The following HABP4 variants were observed in gnomAD, a reference collection of about 807,000 sequenced individuals.
HABP4 encodes the protein intracellular hyaluronan-binding protein 4.
A neutral mutation model predicts 44.1 loss-of-function variants in HABP4; 32 were observed. The observed-to-expected ratio is 0.73, with a 90% confidence interval of 0.55 to 0.97. HABP4 has a LOEUF of 0.97. Ranked by LOEUF, HABP4 falls within the 50% of genes least tolerant of loss-of-function variation. HABP4 has a pLI of 0.00. For synonymous variants in HABP4, 216 were observed against 218.0 expected (o/e 0.99, Z 0.08); for missense variants, 503 against 561.9 (o/e 0.90, Z 1.06).
intron 2 of HABP4, among the ~76,000 whole-genome samples, chr9:96,464,485 G>A (rs921223973): frequency 1.3e-5 from 2 of 152,206 alleles, no homozygotes; most frequent in Non-Finnish European, 2.9e-5. Flanking sequence ...GGTTAGGCAC[G>A]AGAGGCAGAC....
At chr9:96,461,363 C>G (rs1832495737) in intron 2 of HABP4, among the ~76,000 whole-genome samples, 1 of 151,858 alleles carries the variant, frequency 6.6e-6, no homozygotes, top group South Asian at 2.1e-4. Context: ...TTTAAATGAC[C>G]AGTAAACTAC....
At chr9:96,454,403 G>C (rs1429049285) in intron 1 of HABP4, among the ~76,000 whole-genome samples, 1 of 151,004 alleles carries the variant, frequency 6.6e-6, no homozygotes, top group African/African-American at 2.4e-5. Flanking sequence ...TTTCTTAGTG[G>C]CTTTTTCTGC....
intron 1 of HABP4, among the ~76,000 whole-genome samples, chr9:96,456,077 T>C (rs1020125475): frequency 2.6e-5 from 4 of 152,004 alleles, no homozygotes; most frequent in African/African-American, 7.2e-5. Context: ...AATAAATAAA[T>C]GAAACATTAT....
At chr9:96,463,552 G>C (rs1832545033) in intron 2 of HABP4, among the ~76,000 whole-genome samples, 1 of 152,154 alleles carries the variant, frequency 6.6e-6, no homozygotes, top group Admixed American at 6.5e-5. Context: ...ACCGAGCCCA[G>C]CCTGCTTTAG....
rs16910905 is a variant in HABP4 at position 96,490,455 on chromosome 9, G to A, written c.*417G>A. 6.2e-6 allele frequency: 1 copy of A among 160,180 alleles called. No individual in the cohort carries two copies. The highest frequency in any genetic ancestry group is 1.4e-5 in the Non-Finnish European group (1 of 73,656). The allele number at this position is 160,180 out of a possible 1,614,324, so 9.9% of individuals were successfully genotyped here. On this transcript the variant is annotated 3_prime_UTR_variant, in exon 8 of 8. Transcript: ENST00000375249. ...GAGCTGGAACTGTTAATGGAAAGCA[G>A]TCACAGCTGAGTTTTCGGAGACCAA...
chr9:96,473,151 G>A (rs1386892849), intron 5 of HABP4, among the ~76,000 whole-genome samples: 7 of 152,060 alleles, frequency 4.6e-5, no homozygotes, highest in Admixed American at 4.6e-4. Context: ...ACTAACTCTG[G>A]AATATGTATC....
intron 2 of HABP4, among the ~76,000 whole-genome samples, chr9:96,463,138 G>A (rs1195535530): frequency 6.6e-6 from 1 of 152,058 alleles, no homozygotes; most frequent in Non-Finnish European, 1.5e-5. Context: ...TAGAGATGGG[G>A]TTTTGCCATG....
chr9:96,478,842 G>A lies in HABP4; in HGVS notation c.828-5620G>A, dbSNP rs532007854. The stretch of plus-strand genomic sequence containing the variant: ...GATGGGGTCTCGTTTTGGTACCCAG[G>A]CTGGTCTCCAACTCTTGGCCTCAAG... On this transcript the variant is annotated intron_variant, in intron 5 of 7. Transcript: ENST00000375249. 2.0e-5 allele frequency among the ~76,000 whole-genome samples: 3 copies of A among 152,026 alleles called. No individual in the cohort carries two copies. In the East Asian group the frequency reaches 5.8e-4, roughly 29 times the overall value.
intron 5 of HABP4, among the ~76,000 whole-genome samples, chr9:96,479,142 G>A (rs1183775961): frequency 6.6e-6 from 1 of 152,094 alleles, no homozygotes; most frequent in East Asian, 1.9e-4. Flanking sequence ...TTTCCAATTC[G>A]AAGTTAAGAT....
chr9:96,488,328 G>C lies in HABP4; in HGVS notation c.1185+54G>C. ...AAGAAGTTAATAAGGACAGTGCCCT[G>C]GGCCCAGGATGGTCTAATTTCAGAG... On this transcript the variant is annotated intron_variant, in intron 7 of 7. Transcript: ENST00000375249. The surrounding 1 kb of genome is among the most constrained non-coding windows in gnomAD (Gnocchi z 4.6). 7.9e-7 allele frequency: 1 copy of C among 1,272,450 alleles called. No homozygotes were observed. Among genetic ancestry groups the C allele is most frequent in the South Asian group, 1.3e-5 (1 of 76,102 alleles). The allele number at this position is 1,272,450 out of a possible 1,614,324, so 78.8% of individuals were successfully genotyped here.
At chr9:96,457,278 T>C (rs1390727232) in intron 1 of HABP4, among the ~76,000 whole-genome samples, 1 of 151,534 alleles carries the variant, frequency 6.6e-6, no homozygotes, top group Non-Finnish European at 1.5e-5. Flanking sequence ...GAGGCGGAGG[T>C]TGCAGTGAGC....
chr9:96,467,109 G>A (rs1181546735), intron 4 of HABP4, among the ~76,000 whole-genome samples: 4 of 152,090 alleles, frequency 2.6e-5, no homozygotes, highest in African/African-American at 9.6e-5. Context: ...TTTTAGTAAA[G>A]ACGGGGTTTC....
chr9:96,450,777 G>T lies in HABP4; in HGVS notation c.349+149G>T. On this transcript the variant is annotated intron_variant, in intron 1 of 7. Coordinates refer to ENST00000375249, the MANE Select transcript of HABP4 (RefSeq NM_014282.4). This position sits in a 1 kb window ranked among gnomAD's most constrained non-coding sequence, Gnocchi z 4.8. ...CCGAAGGTAGGAGGAGAGGGGCAGGGGTCACACCCCTTCCAGCTCTCGCCA... is the reference window on the plus strand; with the variant it reads ...CCGAAGGTAGGAGGAGAGGGGCAGGTGTCACACCCCTTCCAGCTCTCGCCA... 1 of 615,260 alleles carries T rather than the reference G, an allele frequency of 1.6e-6. No individual in the cohort carries two copies. The highest frequency in any genetic ancestry group is 2.3e-6 in the Non-Finnish European group (1 of 431,230). The allele number at this position is 615,260 out of a possible 1,614,324, so 38.1% of individuals were successfully genotyped here.
chr9:96,464,127 T>C (rs1365264983), intron 2 of HABP4, among the ~76,000 whole-genome samples: 1 of 150,406 alleles, frequency 6.6e-6, no homozygotes, highest in African/African-American at 2.4e-5. Context: ...GAGGGAGGAG[T>C]GGCTTGGGCT....
rs751596794 is a variant in HABP4 at position 96,465,388 on chromosome 9, G to A, written c.564G>A (p.Pro188=). The change falls in exon 3 of 8, where the codon CCG becomes CCA. Residue 188 remains proline (P), a synonymous_variant. Transcript: ENST00000375249. ...RDRPLRGRGG[P]RGGMRGRGRG... is the part of the protein sequence containing the mutation. ...GACCGTTGAGAGGACGTGGAGGCCC[G>A]AGAGGGGGTATGCGCGGCAGAGGCA... 11 of 1,609,860 alleles carry A rather than the reference G, an allele frequency of 6.8e-6. No individual in the cohort carries two copies. Among genetic ancestry groups the A allele is most frequent in the South Asian group, 2.2e-5 (2 of 91,012 alleles).
chr9:96,484,335 C>T, intron 5 of HABP4, 127 bp from the exon 6 acceptor site: 1 of 567,106 alleles, frequency 1.8e-6, no homozygotes, highest in Non-Finnish European at 3.1e-6. Context: ...GATTTCCTTA[C>T]CTTATTTGCA....
chr9:96,471,021 C>A lies in HABP4; in HGVS notation c.754C>A (p.Pro252Thr). Residue 252 changes from proline to threonine, a missense_variant, in exon 5 of 8, where the codon CCA becomes ACA. Pro to Thr is a conservative substitution (Grantham distance 38). Around this residue, in one of 3 missense-constraint regions of HABP4, gnomAD observed 131 missense variants for 189.8 expected, o/e 0.69. Transcript: ENST00000375249. ...GSGKDTSDVE[P>T]TAPMEEPTVV... ...CTTGCTGTTTTTCAGTGATGTGGAG[C>A]CAACTGCACCGATGGAGGAACCCAC... The A allele has an allele frequency of 6.3e-7, 1 of 1,596,236 alleles. No individual in the cohort carries two copies. Among genetic ancestry groups the A allele is most frequent in the Non-Finnish European group, 8.6e-7 (1 of 1,163,744 alleles).
chr9:96,458,325 T>C (rs1268267666), intron 1 of HABP4, 54 bp from the exon 2 acceptor site: 1 of 1,483,018 alleles, frequency 6.7e-7, no homozygotes, highest in African/African-American at 1.4e-5. Context: ...AGTTTAATAG[T>C]GTGCTGTTGC....
chr9:96,458,853 C>T (rs1277951827), intron 2 of HABP4, among the ~76,000 whole-genome samples: 1 of 152,078 alleles, frequency 6.6e-6, no homozygotes, highest in African/African-American at 2.4e-5. Context: ...AACTCCCAAC[C>T]TCAGGTGATC....
Sources: gnomAD v4.1 joint callset for allele counts (sites outside exome capture counted in the v4.1 genomes callset) on GRCh38, gnomAD v4.1.1 for gene constraint, gnomAD v4.1.1 regional missense constraint, Gnocchi (gnomAD v3.1) non-coding constraint, MANE v1.5 for transcripts, NCBI Gene and HGNC (gene_info 2026-07-23, HGNC 2026-07-21) for gene names.